Variants in PBX1 observed in about 807,000 individuals in gnomAD.
PBX1 encodes the protein PBX homeobox 1, also known as pre-B-cell leukemia transcription factor 1.
PBX1 carries 6 observed loss-of-function variants against 53.4 expected under a neutral mutation model. The observed-to-expected ratio is 0.11, with a 90% CI of 0.06 to 0.22. The LOEUF (loss-of-function observed/expected upper bound fraction) is 0.22, where lower values mean the gene tolerates loss of function less well. PBX1 is among the 10% of genes least tolerant of loss of function. The pLI is 1.00. For missense variants in PBX1, 251 were observed against 551.4 expected (o/e 0.46, Z 5.46); for synonymous variants, 204 against 212.3 (o/e 0.96, Z 0.34).
At chr1:164,737,845 A>G (rs1665381348) in intron 2 of PBX1, among the ~76,000 whole-genome samples, 1 of 152,062 alleles carries the variant, frequency 6.6e-6, no homozygotes, top group Admixed American at 6.6e-5. Context: ...GAGCATTCCC[A>G]TCACACCGAA....
chr1:164,632,666 A>G (rs1409683472), intron 2 of PBX1, among the ~76,000 whole-genome samples: 5 of 152,124 alleles, frequency 3.3e-5, no homozygotes, highest in Non-Finnish European at 7.4e-5. Context: ...CTTTATATCA[A>G]CCTCCCCAGC....
At chr1:164,627,136 T>G (rs1444916955) in intron 2 of PBX1, among the ~76,000 whole-genome samples, 7 of 152,180 alleles carry the variant, frequency 4.6e-5, no homozygotes, top group African/African-American at 1.7e-4. Context: ...TCAGAAGCAC[T>G]TAGAACTTCA....
At chr1:164,672,835 C>G (rs892404533) in intron 2 of PBX1, among the ~76,000 whole-genome samples, 2 of 152,194 alleles carry the variant, frequency 1.3e-5, no homozygotes, top group African/African-American at 4.8e-5. Flanking sequence ...GGCTTTTGGA[C>G]TACCCATAAT....
At chr1:164,573,259 G>A (rs1249213342) in intron 2 of PBX1, among the ~76,000 whole-genome samples, 1 of 151,506 alleles carries the variant, frequency 6.6e-6, no homozygotes, top group Admixed American at 6.6e-5. Context: ...CCTTGAAATG[G>A]TAATGTTAAA....
At chr1:164,691,354 G>C (rs988040380) in intron 2 of PBX1, among the ~76,000 whole-genome samples, 1 of 152,102 alleles carries the variant, frequency 6.6e-6, no homozygotes, top group African/African-American at 2.4e-5. Flanking sequence ...CATAGTTGGT[G>C]CTGGAATATC....
chr1:164,858,623 T>TG (rs1369056386), intron 2 of PBX1, among the ~76,000 whole-genome samples: 3 of 152,154 alleles, frequency 2.0e-5, no homozygotes, highest in African/African-American at 7.2e-5. Flanking sequence ...AGGGAGAATT[T>TG]GGGGTGACTG....
chr1:164,806,495 C>A (rs1157244869), intron 4 of PBX1, among the ~76,000 whole-genome samples: 1 of 152,046 alleles, frequency 6.6e-6, no homozygotes, highest in Non-Finnish European at 1.5e-5. Flanking sequence ...ATGTTACATG[C>A]ATTTACATGG....
chr1:164,624,925 T>G (rs1400635784), intron 2 of PBX1, among the ~76,000 whole-genome samples: 1 of 152,254 alleles, frequency 6.6e-6, no homozygotes, highest in Non-Finnish European at 1.5e-5. Context: ...CTATTTTAAT[T>G]CTAGAAAATA....
intron 2 of PBX1, among the ~76,000 whole-genome samples, chr1:164,575,785 C>T (rs146719402): frequency 8.0e-5 from 12 of 150,096 alleles, no homozygotes; most frequent in East Asian, 2.0e-4. Context: ...AAACAAAGAG[C>T]GGGTAACACA....
At chr1:164,740,409 C>T (rs1347990269) in intron 2 of PBX1, among the ~76,000 whole-genome samples, 1 of 151,826 alleles carries the variant, frequency 6.6e-6, no homozygotes, top group East Asian at 1.9e-4. Context: ...TCAGGGAACT[C>T]ACAATCTAGT....
chr1:164,793,878 T>C (rs1668655579), intron 3 of PBX1, among the ~76,000 whole-genome samples: 1 of 138,860 alleles, frequency 7.2e-6, no homozygotes, highest in African/African-American at 2.7e-5. Flanking sequence ...CTTTCTTTTT[T>C]TTTTTTTTTT....
chr1:164,775,284 C>T (rs1361194411), intron 2 of PBX1, among the ~76,000 whole-genome samples: 1 of 152,150 alleles, frequency 6.6e-6, no homozygotes, highest in Non-Finnish European at 1.5e-5. Flanking sequence ...AAGATCACTG[C>T]CCCAGACTTG....
chr1:164,612,943 T>C (rs182122799), intron 2 of PBX1, among the ~76,000 whole-genome samples: 1 of 152,274 alleles, frequency 6.6e-6, no homozygotes, highest in East Asian at 1.9e-4. Context: ...TGAAGAAAAA[T>C]AGACCTACCT....
In PBX1 at chr1:164,600,838, G is replaced by A. The variant is rs531011024; in HGVS notation, c.265+37527G>A. On this transcript the variant is annotated intron_variant, in intron 2 of 8. Coordinates refer to ENST00000420696, the MANE Select transcript of PBX1 (RefSeq NM_002585.4). ...ACCGATCAAGATTGATCCAGCCACTGAAGTAATCCAAACAACTCACTTCTA... is the reference window on the plus strand; with the variant it reads ...ACCGATCAAGATTGATCCAGCCACTAAAGTAATCCAAACAACTCACTTCTA... 3.9e-5 allele frequency among the ~76,000 whole-genome samples: 6 copies of A among 152,296 alleles called. No homozygotes were observed. The East Asian group carries it at 1.2e-3, about 29-fold the overall frequency.
Position 164,653,959 on chromosome 1 carries a change from G to T in PBX1, c.265+90648G>T, listed in dbSNP as rs572362799. On this transcript the variant is annotated intron_variant, in intron 2 of 8. Coordinates refer to ENST00000420696, the MANE Select transcript of PBX1 (RefSeq NM_002585.4). ...CTGTTCCTTCTTTGGAGTTTTCTGTGTTAGTTATTTGATTTTAAAATTCTG... is the reference window on the plus strand; with the variant it reads ...CTGTTCCTTCTTTGGAGTTTTCTGTTTTAGTTATTTGATTTTAAAATTCTG... Among the ~76,000 whole-genome samples the T allele has an allele frequency of 8.5e-5, 13 of 152,238 alleles. No individual in the cohort carries two copies. The South Asian group carries it at 2.1e-3, about 24-fold the overall frequency.
chr1:164,701,465 G>A (rs1360438710), intron 2 of PBX1, among the ~76,000 whole-genome samples: 1 of 152,198 alleles, frequency 6.6e-6, no homozygotes, highest in African/African-American at 2.4e-5. Context: ...TACCCCTGCG[G>A]GTGTGGGTGT....
intron 2 of PBX1, among the ~76,000 whole-genome samples, chr1:164,690,434 G>T (rs964252584): frequency 6.6e-6 from 1 of 152,160 alleles, no homozygotes; most frequent in South Asian, 2.1e-4. Flanking sequence ...AGCAACGGCT[G>T]CATGTGATTA....
rs1420041931 is a variant in PBX1, at chr1:164,846,806, CCTT to C, written c.*133_*135del. The C allele has an allele frequency of 3.3e-6, 5 of 1,531,234 alleles. No homozygotes were observed. Among genetic ancestry groups the C allele is most frequent in the Non-Finnish European group, 3.5e-6 (4 of 1,139,758 alleles). 94.9% of individuals were successfully genotyped at this position (1,531,234 alleles called of 1,614,324 possible). On this transcript the variant is annotated 3_prime_UTR_variant, in exon 9 of 9. Transcript: ENST00000420696. ...CAATCAGCAAACACAATAAGAGTCT[CCTT>C]CTCTTCTCTTCTTTGGGATGCTATT...
At chr1:164,716,896 C>G (rs1178422195) in intron 2 of PBX1, among the ~76,000 whole-genome samples, 1 of 152,068 alleles carries the variant, frequency 6.6e-6, no homozygotes. Flanking sequence ...ACATTAAATA[C>G]TGGAATACAG....
Sources: gnomAD v4.1 joint callset for allele counts (sites outside exome capture counted in the v4.1 genomes callset) on GRCh38, gnomAD v4.1.1 for gene constraint, MANE v1.5 for transcripts, NCBI Gene and HGNC (gene_info 2026-07-23, HGNC 2026-07-21) for gene names.